VWDE: variants seen among roughly 807,000 people sequenced by gnomAD.
The protein encoded by VWDE is von Willebrand factor D and EGF domains, also known as von Willebrand factor D and EGF domain-containing protein.
In VWDE, 207 loss-of-function variants were observed where a neutral mutation model predicts 178.4. That is an observed-to-expected ratio of 1.16 (90% CI 1.04 to 1.30). The LOEUF (loss-of-function observed/expected upper bound fraction) is 1.30, where lower values mean the gene tolerates loss of function less well. Among genes scored for constraint, VWDE ranks in the 50% most tolerant of loss-of-function variants. The pLI is 0.00. For missense variants in VWDE, 2,287 were observed against 1,901.3 expected (o/e 1.20, Z -3.77); for synonymous variants, 738 against 651.4 (o/e 1.13, Z -2.02).
chr7:12,340,788 C>A (rs75448602), intron 23 of VWDE, among the ~76,000 whole-genome samples: 11,930 of 152,212 alleles, frequency 0.078, 634 homozygotes, highest in East Asian at 0.19. Context: ...TAAGAGAAGA[C>A]AATTCAATTC....
chr7:12,341,140 T>G (rs114619858), intron 23 of VWDE, among the ~76,000 whole-genome samples: 2,831 of 152,266 alleles, frequency 0.019, 83 homozygotes, highest in African/African-American at 0.064. Flanking sequence ...TTTTATAATT[T>G]TATAATTTTA....
In VWDE at chr7:12,342,132, T is replaced by A. The variant is rs909808309; in HGVS notation, c.4197A>T (p.Glu1399Asp). Residue 1399 changes from glutamate (E) to aspartate (D), a missense_variant, in exon 23 of 29, where the codon GAA becomes GAT. By Grantham distance (45) the Glu-to-Asp change is conservative. Transcript: ENST00000275358. ...CTGGTGTAAGACACTGGCCTCCATT[T>A]TCACAGTGCCTGTTACAAACCACTG... ...CETMVCNRHC[E>D]NGGQCLTPDI... The A allele has an allele frequency of 1.2e-5, 19 of 1,551,408 alleles. No individual in the cohort carries two copies. The highest frequency in any genetic ancestry group is 1.7e-5 in the Non-Finnish European group (19 of 1,146,866).
rs1782759568 is a variant in VWDE, at chr7:12,364,585, C to CAGAA, written c.2898+2771_2898+2772insTTCT. ...ATTCATGAAATAAGTTTCCATTAGTCTACACTGGCATGAGTAAATAAATGA... is the reference window on the plus strand; with the variant it reads ...ATTCATGAAATAAGTTTCCATTAGTCAGAATACACTGGCATGAGTAAATAAATGA... On this transcript the variant is annotated intron_variant, in intron 13 of 28. Coordinates refer to ENST00000275358, the MANE Select transcript of VWDE (RefSeq NM_001135924.3). Among the ~76,000 whole-genome samples the CAGAA allele has an allele frequency of 1.6e-4, 24 of 152,040 alleles. 1 individual carries two copies. Among genetic ancestry groups the CAGAA allele is most frequent in the African/African-American group, 9.7e-5 (4 of 41,408 alleles).
Position 12,344,378 on chromosome 7 carries a change from T to C in VWDE, c.3978A>G (p.Gln1326=). The change falls in exon 20 of 29, where the codon CAA becomes CAG. Residue 1326 remains glutamine (Q), a synonymous_variant. Coordinates refer to ENST00000275358, the MANE Select transcript of VWDE (RefSeq NM_001135924.3). ...CTAATGAATGATGTTACCTACCAGTTTGGCAGTTAGAACCAATGTAACCAG... is the reference window on the plus strand; with the variant it reads ...CTAATGAATGATGTTACCTACCAGTCTGGCAGTTAGAACCAATGTAACCAG... The part of the protein sequence containing the change: ...CKPGYIGSNC[Q]TALCDPDCKN... 6.4e-7 allele frequency: 1 copy of C among 1,550,952 alleles called. No homozygotes were observed. Among genetic ancestry groups the C allele is most frequent in the Non-Finnish European group, 8.7e-7 (1 of 1,146,538 alleles).
At position 12,375,008 on chromosome 7, in the gene VWDE, A is replaced by G. The variant is rs1783438573; in HGVS notation, c.1242+2T>C. On this transcript the variant is annotated splice_donor_variant, in intron 8 of 28. Transcript: ENST00000275358. LOFTEE classifies it high-confidence loss of function. Reference sequence around the variant, plus strand: ...GCAGTATTAGTGTTGTAATTTGTCAACCTGGATGCTGTCTGGAATGTAGTT... The same window carrying G: ...GCAGTATTAGTGTTGTAATTTGTCAGCCTGGATGCTGTCTGGAATGTAGTT... 2 of 1,550,460 alleles carry G rather than the reference A, an allele frequency of 1.3e-6. No homozygotes were observed. Among genetic ancestry groups the G allele is most frequent in the Non-Finnish European group, 1.7e-6 (2 of 1,146,158 alleles).
chr7:12,380,340 C>A (rs1583332845), intron 5 of VWDE, 146 bp downstream of exon 5: 2 of 1,038,978 alleles, frequency 1.9e-6, no homozygotes, highest in African/African-American at 3.3e-5. Flanking sequence ...AGAATTAGCA[C>A]AATTGCAAGG....
At chr7:12,382,790 G>A (rs1783919725) in intron 4 of VWDE, among the ~76,000 whole-genome samples, 1 of 151,812 alleles carries the variant, frequency 6.6e-6, no homozygotes. Context: ...TGCCCATCAT[G>A]TAGGCAGATG....
chr7:12,340,445 C>G, intron 23 of VWDE, 28 bp from the exon 24 acceptor site: 1 of 1,491,846 alleles, frequency 6.7e-7, no homozygotes, highest in Non-Finnish European at 9.1e-7. Flanking sequence ...GAAAAGAGAA[C>G]ATAAAAGTTT....
chr7:12,375,368 T>C, intron 7 of VWDE, 141 bp from the exon 8 acceptor site: 1 of 770,576 alleles, frequency 1.3e-6, no homozygotes, highest in Non-Finnish European at 2.0e-6. Flanking sequence ...TGGTTGCAAA[T>C]TTTGTCTAAA....
chr7:12,340,492 A>G, intron 23 of VWDE, 75 bp from the exon 24 acceptor site: 1 of 971,452 alleles, frequency 1.0e-6, no homozygotes, highest in East Asian at 2.6e-5. Context: ...AGAAGTGCAA[A>G]ATGGTGCATA....
At chr7:12,358,521 G>A (rs1253732854) in intron 16 of VWDE, among the ~76,000 whole-genome samples, 2 of 151,812 alleles carry the variant, frequency 1.3e-5, no homozygotes, top group Admixed American at 1.3e-4. Flanking sequence ...GGAACAAATA[G>A]CCCCATTACA....
chr7:12,389,914 G>C (rs775085148), intron 2 of VWDE, among the ~76,000 whole-genome samples: 11 of 152,298 alleles, frequency 7.2e-5, no homozygotes, highest in Non-Finnish European at 1.2e-4. Flanking sequence ...TGCAATCCCA[G>C]CACTTTGGGA....
chr7:12,392,518 C>T (rs948526587), intron 2 of VWDE, among the ~76,000 whole-genome samples: 14 of 151,832 alleles, frequency 9.2e-5, no homozygotes, highest in African/African-American at 2.7e-4. Flanking sequence ...GGACTATGAA[C>T]GAATTAGGGG....
At chr7:12,356,400 C>A in intron 17 of VWDE, 70 bp from the exon 18 acceptor site, 1 of 1,252,772 alleles carries the variant, frequency 8.0e-7, no homozygotes, top group South Asian at 1.4e-5. Flanking sequence ...CCCCAGAAAT[C>A]ATGACAGTCA....
At chr7:12,366,093 G>A (rs1782842999) in intron 13 of VWDE, among the ~76,000 whole-genome samples, 1 of 152,042 alleles carries the variant, frequency 6.6e-6, no homozygotes, top group South Asian at 2.1e-4. Context: ...TGAAGAAGGT[G>A]CCTCCGTCTG....
chr7:12,357,111 G>T (rs1782290165), intron 17 of VWDE, among the ~76,000 whole-genome samples, 154 bp downstream of exon 17: 1 of 152,128 alleles, frequency 6.6e-6, no homozygotes, highest in Admixed American at 6.5e-5. Flanking sequence ...TTCTTACAAA[G>T]AATAGTCAAA....
chr7:12,389,566 A>C (rs1262687005), intron 2 of VWDE, among the ~76,000 whole-genome samples: 2 of 152,220 alleles, frequency 1.3e-5, no homozygotes, highest in Non-Finnish European at 2.9e-5. Context: ...ATACTCATTC[A>C]ATTACACATT....
chr7:12,381,225 T>C (rs548149632), intron 4 of VWDE, among the ~76,000 whole-genome samples: 2 of 152,288 alleles, frequency 1.3e-5, no homozygotes, highest in South Asian at 2.1e-4. Context: ...ACTATCTTAG[T>C]GAAATATCTT....
intron 18 of VWDE, 27 bp downstream of exon 18, chr7:12,356,084 A>G (rs1395097764): frequency 3.3e-6 from 5 of 1,536,206 alleles, no homozygotes; most frequent in Non-Finnish European, 4.4e-6. Flanking sequence ...TTTTCTTTCT[A>G]ATTTGTTATG....
Sources: gnomAD v4.1 joint callset for allele counts (sites outside exome capture counted in the v4.1 genomes callset) on GRCh38, gnomAD v4.1.1 for gene constraint, MANE v1.5 for transcripts, NCBI Gene and HGNC (gene_info 2026-07-23, HGNC 2026-07-21) for gene names.